IL1RAPL2: variants seen among roughly 807,000 people sequenced by gnomAD.
IL1RAPL2 encodes the protein interleukin 1 receptor accessory protein like 2, also known as X-linked interleukin-1 receptor accessory protein-like 2.
A neutral mutation model predicts 44.1 loss-of-function variants in IL1RAPL2; 3 were observed. The observed-to-expected ratio is 0.07, with a 90% confidence interval of 0.03 to 0.18. The LOEUF (loss-of-function observed/expected upper bound fraction) is 0.18. Among genes scored for constraint, IL1RAPL2 ranks in the 10% least tolerant of loss-of-function variants. The pLI is 1.00. For synonymous variants in IL1RAPL2, 181 were observed against 178.8 expected, an observed-to-expected ratio of 1.01 and a Z score of -0.10; for missense variants, 391 against 496.4, an observed-to-expected ratio of 0.79 and a Z score of 2.02.
At chrX:105,377,104 G>A (rs995643206) in intron 5 of IL1RAPL2, among the ~76,000 whole-genome samples, 1 of 111,513 alleles carries the variant, frequency 9.0e-6, no homozygotes, top group Non-Finnish European at 1.9e-5. Flanking sequence ...AATTTCTATA[G>A]TTACACAAGC....
chrX:105,565,203 C>CT (rs897511558), intron 6 of IL1RAPL2, among the ~76,000 whole-genome samples: 11 of 111,161 alleles, frequency 9.9e-5, no homozygotes, highest in East Asian at 2.8e-4. Flanking sequence ...AAAATGTAGT[C>CT]TTTTTTTTAG....
intron 6 of IL1RAPL2, among the ~76,000 whole-genome samples, chrX:105,486,728 A>G (rs866347027): frequency 1.3e-5 from 1 of 78,869 alleles, no homozygotes. Flanking sequence ...ATATATCTAT[A>G]TATCTATATC....
At chrX:105,243,098 CA>C (rs1260953536) in intron 4 of IL1RAPL2, among the ~76,000 whole-genome samples, 2 of 105,536 alleles carry the variant, frequency 1.9e-5, no homozygotes, top group Non-Finnish European at 3.9e-5. Context: ...GACTTCATCT[CA>C]AAAAAAAAAT....
intron 2 of IL1RAPL2, among the ~76,000 whole-genome samples, chrX:105,154,795 G>A (rs970947284): frequency 3.6e-5 from 4 of 109,941 alleles, no homozygotes; most frequent in African/African-American, 9.9e-5. Flanking sequence ...CAGCTTTCTC[G>A]CCAACCTCTA....
chrX:104,906,672 G>T (rs1924020197), intron 2 of IL1RAPL2, among the ~76,000 whole-genome samples: 1 of 111,746 alleles, frequency 8.9e-6, no homozygotes, highest in Non-Finnish European at 1.9e-5. Flanking sequence ...GATCATGGTG[G>T]ATAAGCTTTT....
chrX:104,846,906 G>T (rs2046247385), intron 2 of IL1RAPL2, among the ~76,000 whole-genome samples: 1 of 111,885 alleles, frequency 8.9e-6, no homozygotes, highest in Non-Finnish European at 1.9e-5. Context: ...GTGTGAGATG[G>T]TATCTCATTG....
intron 3 of IL1RAPL2, among the ~76,000 whole-genome samples, chrX:105,205,587 TAAAAAAAAAAAAAAAAAAAAA>T (rs375473348): frequency 0.14 from 1,186 of 8,211 alleles, 50 homozygotes; most frequent in African/African-American, 0.24. Flanking sequence ...AAGACTCTGT[TAAAAAAAAAAAAAAAAAAAAA>T]AAAAAAAAAA....
intron 6 of IL1RAPL2, among the ~76,000 whole-genome samples, chrX:105,491,528 A>G (rs1429383292): frequency 8.9e-6 from 1 of 112,058 alleles, no homozygotes. Flanking sequence ...TTTGGAGAGT[A>G]AGAAGGAGGG....
At chrX:105,599,075 C>A (rs752085983) in intron 6 of IL1RAPL2, among the ~76,000 whole-genome samples, 3 of 112,445 alleles carry the variant, frequency 2.7e-5, no homozygotes, top group Non-Finnish European at 5.6e-5. Context: ...ACATTCAAGT[C>A]TACACAGGTT....
chrX:105,734,450 A>G (rs1302583232), intron 7 of IL1RAPL2, among the ~76,000 whole-genome samples: 1 of 111,775 alleles, frequency 8.9e-6, no homozygotes, highest in East Asian at 2.8e-4. Flanking sequence ...CCAGGCTGGT[A>G]TACAGTGGCA....
At chrX:105,712,226 A>AT (rs2038216870) in intron 6 of IL1RAPL2, among the ~76,000 whole-genome samples, 1 of 111,586 alleles carries the variant, frequency 9.0e-6, no homozygotes. Flanking sequence ...CAACTCTTGC[A>AT]TTTTGCAAGC....
In IL1RAPL2 at chrX:105,448,055, T is replaced by C. The variant is rs1347336400; in HGVS notation, c.698-36258T>C. 2.8e-5 allele frequency among the ~76,000 whole-genome samples: 3 copies of C among 106,628 alleles called. No individual in the cohort carries two copies. The East Asian group carries it at 8.6e-4, about 30-fold the overall frequency. 92.6% of individuals were successfully genotyped at this position (106,628 alleles called of 115,157 possible). On this transcript the variant is annotated intron_variant, in intron 5 of 10. Transcript: ENST00000372582. The stretch of plus-strand genomic sequence containing the variant: ...TTTTTTCTTCAGCACTTTAAATATG[T>C]CATTTCAAATGTCTCCTGGCTTGTG...
At chrX:105,483,619 C>G (rs1296729768) in intron 5 of IL1RAPL2, among the ~76,000 whole-genome samples, 1 of 111,461 alleles carries the variant, frequency 9.0e-6, no homozygotes, top group Non-Finnish European at 1.9e-5. Context: ...TTAACCTCTC[C>G]TTTCTCCATT....
At chrX:105,598,473 CTA>C (rs2037227974) in intron 6 of IL1RAPL2, among the ~76,000 whole-genome samples, 1 of 111,033 alleles carries the variant, frequency 9.0e-6, no homozygotes, top group African/African-American at 3.3e-5. Flanking sequence ...AAAAAGGAAA[CTA>C]TGTGAGGTGA....
intron 6 of IL1RAPL2, among the ~76,000 whole-genome samples, chrX:105,618,115 TCTCA>T (rs1289106863): frequency 8.5e-5 from 9 of 106,425 alleles, no homozygotes; most frequent in South Asian, 4.0e-4. Context: ...TCTCTCTCTC[TCTCA>T]CTCACACACA....
intron 1 of IL1RAPL2, chrX:104,647,675 C>T (rs1930070127): frequency 1.1e-5 from 6 of 547,274 alleles, no homozygotes; most frequent in Non-Finnish European, 1.7e-5. Flanking sequence ...CTCTCTGATG[C>T]TGGTGAAGAT....
intron 2 of IL1RAPL2, among the ~76,000 whole-genome samples, chrX:104,982,207 T>C (rs1227448948): frequency 9.0e-6 from 1 of 110,752 alleles, no homozygotes; most frequent in African/African-American, 3.3e-5. Context: ...ATCTTCTGTT[T>C]TTCTTTGGCA....
At chrX:105,653,527 TTTCC>T (rs886754698) in intron 6 of IL1RAPL2, among the ~76,000 whole-genome samples, 3 of 108,301 alleles carry the variant, frequency 2.8e-5, no homozygotes, top group Admixed American at 2.0e-4. Flanking sequence ...CCTTCCCTCC[TTTCC>T]TTCCTTCCTT....
chrX:105,216,886 A>G (rs1052410936), intron 3 of IL1RAPL2, among the ~76,000 whole-genome samples: 26 of 112,298 alleles, frequency 2.3e-4, no homozygotes, highest in African/African-American at 7.1e-4. Context: ...GTGCTGGGAA[A>G]ACTGGATAGC....
Sources: gnomAD v4.1 joint callset for allele counts (sites outside exome capture counted in the v4.1 genomes callset) on GRCh38, gnomAD v4.1.1 for gene constraint, MANE v1.5 for transcripts, NCBI Gene and HGNC (gene_info 2026-07-23, HGNC 2026-07-21) for gene names.